The following GRM7 variants were observed in gnomAD, a reference collection of about 807,000 sequenced individuals.
The protein encoded by GRM7 is metabotropic glutamate receptor 7.
GRM7 carries 35 observed loss-of-function variants against 84.5 expected under a neutral mutation model. That is an observed-to-expected ratio of 0.41 (90% CI 0.32 to 0.55). The LOEUF is 0.55. Among genes scored for constraint, GRM7 ranks in the 20% least tolerant of loss-of-function variants. The pLI, the probability that GRM7 is intolerant of heterozygous loss-of-function variation, is 0.19. For synonymous variants in GRM7, 487 were observed against 455.1 expected (o/e 1.07, Z -0.89); for missense variants, 1,003 against 1,194.6 (o/e 0.84, Z 2.36).
At chr3:6,887,680 G>A (rs182101184) in intron 1 of GRM7, among the ~76,000 whole-genome samples, 1 of 152,114 alleles carries the variant, frequency 6.6e-6, no homozygotes, top group African/African-American at 2.4e-5. Context: ...GAAGAGTGCT[G>A]CAATAAACAT....
At chr3:7,522,081 A>G (rs1243270199) in intron 7 of GRM7, among the ~76,000 whole-genome samples, 1 of 152,150 alleles carries the variant, frequency 6.6e-6, no homozygotes, top group Admixed American at 6.6e-5. Flanking sequence ...TTGGAGGTTC[A>G]TAGGCCTATT....
chr3:7,698,225 T>C (rs966437942), intron 9 of GRM7, among the ~76,000 whole-genome samples: 5 of 152,136 alleles, frequency 3.3e-5, no homozygotes, highest in Non-Finnish European at 7.3e-5. Context: ...TGAGGCAATA[T>C]GGGAGATAGT....
At chr3:7,379,414 G>A (rs1029424255) in intron 4 of GRM7, among the ~76,000 whole-genome samples, 1 of 152,068 alleles carries the variant, frequency 6.6e-6, no homozygotes, top group South Asian at 2.1e-4. Flanking sequence ...TTTTACAAGC[G>A]ACATCATAAC....
At chr3:7,723,009 T>C (rs1702006275) in intron 9 of GRM7, among the ~76,000 whole-genome samples, 1 of 152,096 alleles carries the variant, frequency 6.6e-6, no homozygotes, top group African/African-American at 2.4e-5. Flanking sequence ...CTTCAAACAT[T>C]CAGAAAAGTA....
intron 5 of GRM7, 70 bp downstream of exon 5, chr3:7,415,233 C>T (rs13322834): frequency 3.0e-5 from 38 of 1,287,410 alleles, no homozygotes; most frequent in Middle Eastern, 3.8e-4. Flanking sequence ...GCATAGCTGA[C>T]AGAAGGAAGC....
intron 2 of GRM7, among the ~76,000 whole-genome samples, chr3:7,252,955 G>A (rs1390830254): frequency 6.9e-6 from 1 of 144,902 alleles, no homozygotes; most frequent in African/African-American, 2.6e-5. Context: ...CTCCCAAAGT[G>A]CTGGGATTAC....
intron 2 of GRM7, among the ~76,000 whole-genome samples, chr3:7,179,499 C>T (rs1405276828): frequency 6.6e-6 from 1 of 152,200 alleles, no homozygotes; most frequent in Non-Finnish European, 1.5e-5. Context: ...GTTTGCTTTT[C>T]TACTCTATAT....
intron 1 of GRM7, among the ~76,000 whole-genome samples, chr3:6,890,717 G>T (rs1442369704): frequency 2.0e-5 from 3 of 152,124 alleles, no homozygotes; most frequent in Non-Finnish European, 2.9e-5. Flanking sequence ...TGTTGATTTG[G>T]GGTGGAGAGT....
rs973774957 is a variant in GRM7 at position 7,657,799 on chromosome 3, T to C, written c.2452-22250T>C. 2.3e-4 allele frequency among the ~76,000 whole-genome samples: 35 copies of C among 152,250 alleles called. 1 individual carries two copies. The highest frequency in any genetic ancestry group is 8.2e-4 in the African/African-American group (34 of 41,554). The stretch of plus-strand genomic sequence containing the variant: ...GAAAACCTTACTCTTCCTGGGAAAG[T>C]CAAGAAAATGTGACCTTTAGCTGGC... On this transcript the variant is annotated intron_variant, in intron 8 of 9. Coordinates refer to ENST00000357716, the MANE Select transcript of GRM7 (RefSeq NM_000844.4).
intron 2 of GRM7, among the ~76,000 whole-genome samples, chr3:7,224,673 A>G (rs761887396): frequency 5.3e-5 from 8 of 152,312 alleles, no homozygotes; most frequent in Admixed American, 2.6e-4. Context: ...TCATAGCAAA[A>G]TATCTTAAAC....
intron 3 of GRM7, among the ~76,000 whole-genome samples, chr3:7,302,392 T>A (rs1385167967): frequency 1.3e-5 from 2 of 152,158 alleles, no homozygotes; most frequent in Non-Finnish European, 2.9e-5. Flanking sequence ...ATGCTTTAAT[T>A]ATATTCTTAT....
At chr3:7,288,724 A>G (rs1171912009) in intron 2 of GRM7, among the ~76,000 whole-genome samples, 2 of 152,180 alleles carry the variant, frequency 1.3e-5, no homozygotes, top group East Asian at 1.9e-4. Context: ...TAAATTATTA[A>G]TGGAAAGTAG....
intron 2 of GRM7, among the ~76,000 whole-genome samples, chr3:7,290,009 A>C: frequency 6.6e-6 from 1 of 152,134 alleles, no homozygotes; most frequent in East Asian, 2.0e-4. Flanking sequence ...AAGTATAATA[A>C]AAAATAAAAT....
intron 4 of GRM7, among the ~76,000 whole-genome samples, chr3:7,365,149 G>T (rs543398795): frequency 6.6e-6 from 1 of 151,618 alleles, no homozygotes; most frequent in African/African-American, 2.4e-5. Flanking sequence ...GCTGCCAAAC[G>T]AATTTTTTAA....
chr3:7,443,977 C>T (rs1459549119), intron 5 of GRM7, among the ~76,000 whole-genome samples: 1 of 152,046 alleles, frequency 6.6e-6, no homozygotes, highest in Non-Finnish European at 1.5e-5. Context: ...ATGTCAAGAA[C>T]AAAACAGGAG....
intron 4 of GRM7, among the ~76,000 whole-genome samples, chr3:7,343,693 G>A (rs1487005332): frequency 1.3e-5 from 2 of 152,140 alleles, no homozygotes; most frequent in Non-Finnish European, 2.9e-5. Context: ...GCAACACAAT[G>A]CTTCTTTTTT....
chr3:6,926,165 A>G (rs1697290966), intron 1 of GRM7, among the ~76,000 whole-genome samples: 1 of 152,218 alleles, frequency 6.6e-6, no homozygotes. Flanking sequence ...AAAAATAAAA[A>G]CAATATAGAA....
chr3:6,955,759 A>C (rs969521871), intron 1 of GRM7, among the ~76,000 whole-genome samples: 1 of 150,924 alleles, frequency 6.6e-6, no homozygotes, highest in Non-Finnish European at 1.5e-5. Flanking sequence ...CGAGAATCAC[A>C]TGAACCCTTA....
At chr3:6,873,470 A>G (rs1175016563) in intron 1 of GRM7, among the ~76,000 whole-genome samples, 1 of 152,186 alleles carries the variant, frequency 6.6e-6, no homozygotes. Flanking sequence ...CTTGCTAACC[A>G]TGTGAGCTTC....
Sources: allele counts gnomAD v4.1 joint callset (sites outside exome capture counted in the v4.1 genomes callset), GRCh38; gene constraint gnomAD v4.1.1; transcripts MANE v1.5; gene names NCBI Gene and HGNC (gene_info 2026-07-23, HGNC 2026-07-21).